Variants in CADPS observed in about 807,000 individuals in gnomAD.
CADPS encodes the protein calcium-dependent secretion activator 1.
In CADPS, 57 loss-of-function variants were observed where a neutral mutation model predicts 167.3. That is an observed-to-expected ratio of 0.34 (90% CI 0.28 to 0.42). The LOEUF (loss-of-function observed/expected upper bound fraction) is 0.42, where lower values mean the gene tolerates loss of function less well. Ranked by LOEUF, CADPS falls within the 20% of genes least tolerant of loss-of-function variation. The pLI, the probability that CADPS is intolerant of heterozygous loss-of-function variation, is 1.00. For missense variants in CADPS, 1,414 were observed against 1,738.1 expected, an observed-to-expected ratio of 0.81 and a Z score of 3.32; for synonymous variants, 676 against 635.3, an observed-to-expected ratio of 1.06 and a Z score of -0.96.
intron 3 of CADPS, among the ~76,000 whole-genome samples, chr3:62,727,549 T>C (rs1207023993): frequency 2.0e-5 from 3 of 151,880 alleles, no homozygotes; most frequent in Non-Finnish European, 4.4e-5. Flanking sequence ...AAAAAAACTG[T>C]CATTCTCAAC....
chr3:62,855,088 CTAAT>C (rs986938387), intron 1 of CADPS, among the ~76,000 whole-genome samples: 1 of 38,604 alleles, frequency 2.6e-5, no homozygotes, highest in Non-Finnish European at 6.8e-5. Context: ...TCATGCCCGG[CTAAT>C]TTTTTTTTTT....
At chr3:62,808,651 G>A (rs2094235024) in intron 1 of CADPS, among the ~76,000 whole-genome samples, 2 of 152,118 alleles carry the variant, frequency 1.3e-5, no homozygotes, top group East Asian at 1.9e-4. Context: ...AAATGTTGGG[G>A]AGTGCCAGGG....
intron 27 of CADPS, among the ~76,000 whole-genome samples, chr3:62,443,565 G>T (rs2056717549): frequency 6.6e-6 from 1 of 152,070 alleles, no homozygotes; most frequent in South Asian, 2.1e-4. Flanking sequence ...TTGAATCATG[G>T]GGGTGGTTAC....
chr3:62,641,110 C>A (rs1312618223), intron 6 of CADPS, among the ~76,000 whole-genome samples: 1 of 151,998 alleles, frequency 6.6e-6, no homozygotes, highest in Non-Finnish European at 1.5e-5. Context: ...TAATGTATTT[C>A]TTTAAAAAGG....
chr3:62,670,646 T>C (rs2150752413), intron 3 of CADPS, among the ~76,000 whole-genome samples: 1 of 152,144 alleles, frequency 6.6e-6, no homozygotes, highest in East Asian at 1.9e-4. Context: ...GAGCTCCAAA[T>C]GCAGCAATTT....
Position 62,651,012 on chromosome 3 carries a change from A to G in CADPS, c.1038T>C (p.Ser346=), listed in dbSNP as rs1209155748. The change falls in exon 5 of 30, where the codon TCT becomes TCC. Residue 346 remains serine (S), a synonymous_variant. Transcript: ENST00000383710. ...ENMYIEELKS[S]VNLLMANLES... ...CCAAGTTGGCCATGAGCAGGTTGACAGATGACTTCAGCTCCTCAATGTACA... is the reference window on the plus strand; with the variant it reads ...CCAAGTTGGCCATGAGCAGGTTGACGGATGACTTCAGCTCCTCAATGTACA... 1 of 1,614,174 alleles carries G rather than the reference A, an allele frequency of 6.2e-7. No homozygotes were observed. The highest frequency in any genetic ancestry group is 2.2e-5 in the East Asian group (1 of 44,864).
intron 6 of CADPS, among the ~76,000 whole-genome samples, chr3:62,612,043 C>A (rs1289799707): frequency 6.6e-6 from 1 of 152,204 alleles, no homozygotes; most frequent in Non-Finnish European, 1.5e-5. Flanking sequence ...AGACACACTG[C>A]AGACACTTAA....
intron 26 of CADPS, among the ~76,000 whole-genome samples, chr3:62,448,629 G>GA (rs1441672188): frequency 1.3e-5 from 2 of 151,692 alleles, no homozygotes; most frequent in Middle Eastern, 3.4e-3. Flanking sequence ...TTTGGGGGGG[G>GA]GTGGTATGGA....
rs575831147 is a variant in CADPS, at chr3:62,790,143, A to G, written c.442-24159T>C. On this transcript the variant is annotated intron_variant, in intron 1 of 29. Transcript: ENST00000383710. Reference sequence around the variant, plus strand: ...ATACTTCAGACACTAGAAATGATTTAGAATTTTATGAAATGATGCAGGAAA... The same window carrying G: ...ATACTTCAGACACTAGAAATGATTTGGAATTTTATGAAATGATGCAGGAAA... Among the ~76,000 whole-genome samples the G allele has an allele frequency of 8.5e-5, 13 of 152,314 alleles. No individual in the cohort carries two copies. In the South Asian group the frequency reaches 2.5e-3, roughly 29 times the overall value.
chr3:62,459,517 T>C (rs1254176197), intron 26 of CADPS, among the ~76,000 whole-genome samples: 6 of 152,208 alleles, frequency 3.9e-5, no homozygotes, highest in Non-Finnish European at 5.9e-5. Flanking sequence ...CCTCCAGGTC[T>C]TTCTATCTTG....
At position 62,557,525 on chromosome 3, in the gene CADPS, A is replaced by G; in HGVS notation, c.1645-12T>C. 1 of 1,605,306 alleles carries G rather than the reference A, an allele frequency of 6.2e-7. No individual in the cohort carries two copies. Among genetic ancestry groups the G allele is most frequent in the East Asian group, 2.2e-5 (1 of 44,836 alleles). ...GTGTACTGACTGACCTGTTAAGGAA[A>G]AGCAGATTGTGAGGTTGACCCCTGG... On this transcript the variant is annotated splice_polypyrimidine_tract_variant and intron_variant, in intron 9 of 29. Coordinates refer to ENST00000383710, the MANE Select transcript of CADPS (RefSeq NM_003716.4).
intron 17 of CADPS, among the ~76,000 whole-genome samples, chr3:62,502,881 C>T (rs2066006798): frequency 6.6e-6 from 1 of 151,966 alleles, no homozygotes; most frequent in East Asian, 1.9e-4. Flanking sequence ...AAAGTAAAGA[C>T]AAAGTGACTT....
rs886917687 is a variant in CADPS at position 62,532,770 on chromosome 3, A to T, written c.2291+101T>A. The T allele has an allele frequency of 1.6e-5, 16 of 971,626 alleles. No homozygotes were observed. The African/African-American group carries it at 2.3e-4, about 14-fold the overall frequency. 60.2% of individuals were successfully genotyped at this position (971,626 alleles called of 1,614,324 possible). A position where few individuals can be genotyped will look rare whatever the true frequency, so the allele number is the denominator to read the frequency against. On this transcript the variant is annotated intron_variant, in intron 13 of 29. Coordinates refer to ENST00000383710, the MANE Select transcript of CADPS (RefSeq NM_003716.4). The stretch of plus-strand genomic sequence containing the variant: ...GTGTGTACGTGTGCACATACCACCG[A>T]AGGAATGAAGACAGGCAGATCCTAA...
chr3:62,457,684 C>G (rs965112026), intron 26 of CADPS, among the ~76,000 whole-genome samples: 3 of 151,986 alleles, frequency 2.0e-5, no homozygotes, highest in Non-Finnish European at 4.4e-5. Flanking sequence ...TGGAACCAAC[C>G]CAAATGTCCA....
intron 28 of CADPS, among the ~76,000 whole-genome samples, chr3:62,429,996 A>G (rs2053598013): frequency 6.6e-6 from 1 of 152,224 alleles, no homozygotes; most frequent in Admixed American, 6.5e-5. Flanking sequence ...AGAGAGTTCT[A>G]TTTCTATGAA....
chr3:62,715,353 C>CCTATCCAT (rs2084259029), intron 3 of CADPS, among the ~76,000 whole-genome samples: 1 of 140,374 alleles, frequency 7.1e-6, no homozygotes, highest in East Asian at 2.1e-4. Flanking sequence ...GTTGGCCAGC[C>CCTATCCAT]CTATCTATCT....
At position 62,502,326 on chromosome 3, in the gene CADPS, TA is replaced by T. The variant is rs57730413; in HGVS notation, c.2600-3059del. Among the ~76,000 whole-genome samples the T allele has an allele frequency of 2.3e-3, 352 of 152,226 alleles. 1 individual carries two copies. The highest frequency in any genetic ancestry group is 7.8e-3 in the African/African-American group (324 of 41,530). On this transcript the variant is annotated intron_variant, in intron 17 of 29. Transcript: ENST00000383710. Reference sequence around the variant, plus strand: ...GTGATTTTTTTTTTTTTTGGCCACTTAACGCTGTCTTCAGATGAATTACAAT... The same window carrying T: ...GTGATTTTTTTTTTTTTTGGCCACTTACGCTGTCTTCAGATGAATTACAAT...
chr3:62,793,928 C>T (rs2093172409), intron 1 of CADPS, among the ~76,000 whole-genome samples: 2 of 152,010 alleles, frequency 1.3e-5, no homozygotes, highest in African/African-American at 4.8e-5. Flanking sequence ...TGTGGAACTC[C>T]CTGGGGTGTC....
chr3:62,737,474 CA>C (rs370647017), intron 3 of CADPS, among the ~76,000 whole-genome samples: 11,107 of 132,862 alleles, frequency 0.084, 457 homozygotes, highest in South Asian at 0.17. Flanking sequence ...TCTCTTACAG[CA>C]AAAAAAAAAA....
Sources: allele counts gnomAD v4.1 joint callset (sites outside exome capture counted in the v4.1 genomes callset), GRCh38; gene constraint gnomAD v4.1.1; transcripts MANE v1.5; gene names NCBI Gene and HGNC (gene_info 2026-07-23, HGNC 2026-07-21).